EGF: variants seen among roughly 807,000 people sequenced by gnomAD.
EGF encodes the protein epidermal growth factor, also known as pro-epidermal growth factor.
A neutral mutation model predicts 143.8 loss-of-function variants in EGF; 95 were observed. The ratio of observed to expected loss-of-function variants is 0.66; its 90% CI spans 0.56 to 0.78. EGF has a LOEUF of 0.78. EGF is among the 30% of genes least tolerant of loss of function. EGF has a pLI of 0.00. For missense variants in EGF, 1,320 were observed against 1,470.9 expected, an observed-to-expected ratio of 0.90 and a Z score of 1.68; for synonymous variants, 510 against 510.5, an observed-to-expected ratio of 1.00 and a Z score of 0.01.
At chr4:109,935,368 A>G (rs146570499) in intron 1 of EGF, among the ~76,000 whole-genome samples, 2,236 of 151,810 alleles carry the variant, frequency 0.015, 52 homozygotes, top group African/African-American at 0.05. Context: ...TGTTATTGGT[A>G]TATAGGAATG....
At chr4:109,916,563 G>T (rs1406861849) in intron 1 of EGF, among the ~76,000 whole-genome samples, 1 of 151,952 alleles carries the variant, frequency 6.6e-6, no homozygotes, top group East Asian at 1.9e-4. Flanking sequence ...CTAATGTCTG[G>T]GTGGCCACCC....
chr4:109,924,843 A>G (rs1003632026), intron 1 of EGF, among the ~76,000 whole-genome samples: 5 of 152,240 alleles, frequency 3.3e-5, no homozygotes, highest in African/African-American at 1.2e-4. Flanking sequence ...AAAGTTAAAA[A>G]GAGAAATTAA....
At chr4:109,987,364 C>G (rs1750280582) in intron 16 of EGF, among the ~76,000 whole-genome samples, 1 of 151,906 alleles carries the variant, frequency 6.6e-6, no homozygotes, top group Admixed American at 6.6e-5. Flanking sequence ...AGTGCAGTGG[C>G]ACCATCTTGT....
intron 4 of EGF, 65 bp downstream of exon 4, chr4:109,944,134 T>C: frequency 6.5e-7 from 1 of 1,529,162 alleles, no homozygotes; most frequent in Non-Finnish European, 8.9e-7. Context: ...TAAATTAATT[T>C]TACTTTTGTC....
chr4:109,993,410 G>T (rs760558468), intron 19 of EGF, 41 bp downstream of exon 19: 1 of 1,611,262 alleles, frequency 6.2e-7, no homozygotes, highest in African/African-American at 1.3e-5. Flanking sequence ...GAGGGACTTG[G>T]CTCGGGGATA....
At chr4:109,918,778 G>A (rs1737165565) in intron 1 of EGF, among the ~76,000 whole-genome samples, 1 of 152,144 alleles carries the variant, frequency 6.6e-6, no homozygotes, top group African/African-American at 2.4e-5. Flanking sequence ...TTGGGGCAAG[G>A]GCAGGGGCTG....
chr4:109,935,608 G>A (rs944321545), intron 1 of EGF, among the ~76,000 whole-genome samples: 1 of 152,160 alleles, frequency 6.6e-6, no homozygotes, highest in Non-Finnish European at 1.5e-5. Context: ...GGAGTGGTGA[G>A]AGAGGGCATC....
At chr4:109,975,574 T>A (rs1748360889) in intron 12 of EGF, among the ~76,000 whole-genome samples, 1 of 152,224 alleles carries the variant, frequency 6.6e-6, no homozygotes, top group South Asian at 2.1e-4. Flanking sequence ...GGGTAACAGA[T>A]AAATATGATC....
At chr4:110,004,223 C>A (rs192567484) in intron 21 of EGF, 5 of 417,068 alleles carry the variant, frequency 1.2e-5, no homozygotes, top group South Asian at 1.1e-4. Context: ...CATACACACA[C>A]ACACACACAC....
intron 15 of EGF, 142 bp from the exon 16 acceptor site, chr4:109,983,280 C>A: frequency 1.1e-6 from 1 of 940,260 alleles, no homozygotes; most frequent in Non-Finnish European, 1.6e-6. Flanking sequence ...GTTACCAAGA[C>A]CCTGACAGTT....
intron 5 of EGF, among the ~76,000 whole-genome samples, chr4:109,948,611 G>A (rs956048793): frequency 6.6e-6 from 1 of 151,860 alleles, no homozygotes; most frequent in Non-Finnish European, 1.5e-5. Flanking sequence ...AGCCTCCCAA[G>A]TAGCTGGGAT....
chr4:109,941,266 A>T (rs765730855), intron 2 of EGF, 121 bp downstream of exon 2: 7 of 857,278 alleles, frequency 8.2e-6, no homozygotes, highest in Non-Finnish European at 1.3e-5. Context: ...CGTGTCTGCC[A>T]AATATAGGCA....
chr4:109,944,610 T>A (rs1457891445), intron 4 of EGF, among the ~76,000 whole-genome samples: 1 of 152,222 alleles, frequency 6.6e-6, no homozygotes, highest in Non-Finnish European at 1.5e-5. Flanking sequence ...CAAAAATAAT[T>A]AACAGAGTAT....
At chr4:109,944,395 T>C (rs955034197) in intron 4 of EGF, among the ~76,000 whole-genome samples, 14 of 152,314 alleles carry the variant, frequency 9.2e-5, no homozygotes, top group South Asian at 2.1e-4. Flanking sequence ...GCCGATATCG[T>C]GCCACTGCAC....
rs576720003 is a variant in EGF at position 109,921,401 on chromosome 4, A to G, written c.127+7939A>G. 6.6e-5 allele frequency among the ~76,000 whole-genome samples: 10 copies of G among 151,262 alleles called. No homozygotes were observed. The South Asian group carries it at 1.9e-3, about 28-fold the overall frequency. On this transcript the variant is annotated intron_variant, in intron 1 of 23. Transcript: ENST00000265171. Reference sequence around the variant, plus strand: ...TTGATTTTCTGATTCTCCCAAGTTGACCAAACATACTAATGCCTCTCACTG... The same window carrying G: ...TTGATTTTCTGATTCTCCCAAGTTGGCCAAACATACTAATGCCTCTCACTG...
chr4:109,967,815 C>T (rs1053584517), intron 10 of EGF, among the ~76,000 whole-genome samples: 7 of 152,108 alleles, frequency 4.6e-5, no homozygotes, highest in African/African-American at 1.4e-4. Context: ...GCGGATGTTA[C>T]TATGCTGAAT....
intron 5 of EGF, among the ~76,000 whole-genome samples, chr4:109,956,486 T>G (rs1197198295): frequency 6.6e-6 from 1 of 152,210 alleles, no homozygotes; most frequent in Non-Finnish European, 1.5e-5. Context: ...AAATAAAAGT[T>G]AAACACAATA....
At chr4:109,948,985 T>C (rs980592874) in intron 5 of EGF, among the ~76,000 whole-genome samples, 4 of 152,208 alleles carry the variant, frequency 2.6e-5, no homozygotes, top group African/African-American at 9.6e-5. Context: ...AAAATATAAA[T>C]ATTTATACAA....
intron 20 of EGF, among the ~76,000 whole-genome samples, chr4:109,995,692 C>T (rs1216301841): frequency 6.6e-6 from 1 of 152,208 alleles, no homozygotes; most frequent in Non-Finnish European, 1.5e-5. Flanking sequence ...CTCCCAGGGT[C>T]AGGCTCCTGA....
Sources: gnomAD v4.1 joint callset for allele counts (sites outside exome capture counted in the v4.1 genomes callset) on GRCh38, gnomAD v4.1.1 for gene constraint, MANE v1.5 for transcripts, NCBI Gene and HGNC (gene_info 2026-07-23, HGNC 2026-07-21) for gene names.